The following LDLRAD4 variants were observed in gnomAD, a reference collection of about 807,000 sequenced individuals.
LDLRAD4 encodes low-density lipoprotein receptor class A domain-containing protein 4.
A neutral mutation model predicts 17.0 loss-of-function variants in LDLRAD4; 5 were observed. The observed-to-expected ratio is 0.29, with a 90% CI of 0.15 to 0.62. LDLRAD4 has a LOEUF of 0.62. Among genes scored for constraint, LDLRAD4 ranks in the 20% least tolerant of loss-of-function variants. The pLI is 0.84. For synonymous variants in LDLRAD4, 168 were observed against 171.8 expected, an observed-to-expected ratio of 0.98 and a Z score of 0.17; for missense variants, 340 against 424.7, an observed-to-expected ratio of 0.80 and a Z score of 1.75.
At chr18:13,301,087 G>T (rs2123850) in intron 1 of LDLRAD4, among the ~76,000 whole-genome samples, 1 of 89,294 alleles carries the variant, frequency 1.1e-5, no homozygotes, top group Non-Finnish European at 2.5e-5. Flanking sequence ...TCCGTGGTTG[G>T]GGGGGTACAG....
intron 3 of LDLRAD4, among the ~76,000 whole-genome samples, chr18:13,449,583 C>T (rs963657357): frequency 4.6e-5 from 7 of 152,364 alleles, no homozygotes; most frequent in African/African-American, 1.2e-4. Flanking sequence ...TGTCTTCCTG[C>T]GGGCGTGCAC....
chr18:13,464,411 T>C (rs926573192), intron 3 of LDLRAD4, among the ~76,000 whole-genome samples: 1 of 152,258 alleles, frequency 6.6e-6, no homozygotes, highest in Non-Finnish European at 1.5e-5. Context: ...AATTAGGCAT[T>C]GCATATTTTC....
intron 4 of LDLRAD4, among the ~76,000 whole-genome samples, chr18:13,627,697 C>T (rs2148866733): frequency 6.6e-6 from 1 of 152,296 alleles, no homozygotes; most frequent in East Asian, 1.9e-4. Context: ...CACTCGTGGC[C>T]ACTGCTGTCC....
rs567544488 is a variant in LDLRAD4, at chr18:13,492,363, C to T, written c.181+53979C>T. 1.4e-4 allele frequency among the ~76,000 whole-genome samples: 22 copies of T among 152,352 alleles called. No homozygotes were observed. In the South Asian group the frequency reaches 2.7e-3, roughly 19 times the overall value. ...TCCGAGTTGCCTCTGCCGGAAGGGA[C>T]GTCCTTTCACAGCCCAGCATTGCTG... is the stretch of plus-strand genomic sequence containing the variant. On this transcript the variant is annotated intron_variant, in intron 3 of 5. Transcript: ENST00000359446.
In LDLRAD4 at chr18:13,410,012, G is replaced by A. The variant is rs1600059074; in HGVS notation, c.40+22250G>A. Among the ~76,000 whole-genome samples the A allele has an allele frequency of 3.3e-5, 5 of 152,176 alleles. No individual in the cohort carries two copies. The South Asian group carries it at 1.0e-3, about 32-fold the overall frequency. The stretch of plus-strand genomic sequence containing the variant: ...CCCCAGGGCACGACGCACTGAGTGG[G>A]CACACTGCCTCTGTGGTGTTCTTCC... On this transcript the variant is annotated intron_variant, in intron 2 of 5. Coordinates refer to ENST00000359446, the Ensembl canonical transcript of LDLRAD4.
intron 4 of LDLRAD4, among the ~76,000 whole-genome samples, chr18:13,633,413 C>T (rs1350505463): frequency 2.6e-5 from 4 of 152,212 alleles, no homozygotes; most frequent in Non-Finnish European, 5.9e-5. Context: ...GCCCAGGAGC[C>T]TGTCTGCCTC....
chr18:13,265,232 C>T (rs2044149348), intron 1 of LDLRAD4, among the ~76,000 whole-genome samples: 1 of 152,216 alleles, frequency 6.6e-6, no homozygotes, highest in South Asian at 2.1e-4. Flanking sequence ...TCATATCCTT[C>T]CCTGCGCCTT....
At chr18:13,569,451 C>G (rs887117735) in intron 3 of LDLRAD4, among the ~76,000 whole-genome samples, 3 of 152,204 alleles carry the variant, frequency 2.0e-5, no homozygotes, top group African/African-American at 7.2e-5. Context: ...TGCTTATCTT[C>G]ACTTTACTTT....
At chr18:13,386,938 AGATAGATAGATGGATG>A (rs1186893020) in intron 1 of LDLRAD4, among the ~76,000 whole-genome samples, 1,529 of 128,388 alleles carry the variant, frequency 0.012, 30 homozygotes, top group African/African-American at 0.046. Context: ...ATAGATAGAT[AGATAGATAGATGGATG>A]GATGGATAGA....
chr18:13,319,964 G>A (rs796763138), intron 1 of LDLRAD4, among the ~76,000 whole-genome samples: 14 of 152,286 alleles, frequency 9.2e-5, no homozygotes, highest in African/African-American at 3.1e-4. Flanking sequence ...ATACCCAAGG[G>A]AAGAAAGGAT....
At chr18:13,409,528 A>C (rs529656027) in intron 2 of LDLRAD4, among the ~76,000 whole-genome samples, 61 of 152,366 alleles carry the variant, frequency 4.0e-4, no homozygotes, top group African/African-American at 1.4e-3. Context: ...TCTTATGTGC[A>C]ATTTACATTC....
At chr18:13,588,967 C>T (rs1258267942) in intron 3 of LDLRAD4, among the ~76,000 whole-genome samples, 3 of 144,314 alleles carry the variant, frequency 2.1e-5, no homozygotes, top group Non-Finnish European at 4.5e-5. Context: ...CTCGCTCTGT[C>T]GCCCAGGCTG....
At chr18:13,424,393 A>G (rs1453129143) in intron 2 of LDLRAD4, among the ~76,000 whole-genome samples, 18 of 152,194 alleles carry the variant, frequency 1.2e-4, no homozygotes, top group Admixed American at 1.2e-3. Flanking sequence ...ATCAGGTACA[A>G]GTGAAAGAAA....
chr18:13,572,578 C>T (rs915964275), intron 3 of LDLRAD4, among the ~76,000 whole-genome samples: 9 of 152,128 alleles, frequency 5.9e-5, no homozygotes, highest in African/African-American at 1.9e-4. Flanking sequence ...AGTAAGAAAC[C>T]GCAGAAGGAA....
At chr18:13,230,458 A>G (rs2042015450) in intron 1 of LDLRAD4, among the ~76,000 whole-genome samples, 1 of 152,182 alleles carries the variant, frequency 6.6e-6, no homozygotes, top group African/African-American at 2.4e-5. Flanking sequence ...CCATTTTTCA[A>G]ACTTTGTATA....
chr18:13,637,294 T>C (rs9946864), intron 4 of LDLRAD4, among the ~76,000 whole-genome samples: 3,890 of 152,170 alleles, frequency 0.026, 155 homozygotes, highest in African/African-American at 0.088. Flanking sequence ...AGATAGTCTT[T>C]ATGCAGTGGC....
intron 3 of LDLRAD4, among the ~76,000 whole-genome samples, chr18:13,441,391 C>T (rs1243271959): frequency 6.6e-6 from 1 of 152,178 alleles, no homozygotes; most frequent in Non-Finnish European, 1.5e-5. Flanking sequence ...TCAGAGTATC[C>T]CACGAACTCT....
intron 3 of LDLRAD4, chr18:13,543,490 A>G (rs1186097550): frequency 6.6e-6 from 1 of 152,246 alleles, no homozygotes; most frequent in Non-Finnish European, 1.5e-5. Context: ...TTAAGAGTCT[A>G]AAAGGTTTTA....
chr18:13,385,606 A>G (rs748258656), intron 1 of LDLRAD4, among the ~76,000 whole-genome samples: 7 of 152,226 alleles, frequency 4.6e-5, no homozygotes, highest in Non-Finnish European at 1.0e-4. Flanking sequence ...AATAAAGTCT[A>G]GCATATTTGC....
Sources: allele counts gnomAD v4.1 joint callset (sites outside exome capture counted in the v4.1 genomes callset), GRCh38; gene constraint gnomAD v4.1.1; transcripts MANE v1.5; gene names NCBI Gene and HGNC (gene_info 2026-07-23, HGNC 2026-07-21).